The following SLC22A5 variants were observed in gnomAD, a reference collection of about 807,000 sequenced individuals.
SLC22A5 encodes the protein solute carrier family 22 member 5, also known as organic cation/carnitine transporter 2.
Under a neutral mutation model 56.7 loss-of-function variants are expected in SLC22A5, and 44 were observed. The ratio of observed to expected loss-of-function variants is 0.78; its 90% CI spans 0.61 to 1.00. SLC22A5 has a LOEUF of 1.00. SLC22A5 is among the 50% of genes least tolerant of loss of function. The pLI is 0.00. For synonymous variants in SLC22A5, 278 were observed against 292.1 expected, an observed-to-expected ratio of 0.95 and a Z score of 0.49; for missense variants, 675 against 723.0, an observed-to-expected ratio of 0.93 and a Z score of 0.76.
intron 4 of SLC22A5, among the ~76,000 whole-genome samples, chr5:132,385,731 G>A (rs1430698030): frequency 2.6e-5 from 4 of 152,284 alleles, no homozygotes; most frequent in African/African-American, 4.8e-5. Flanking sequence ...CCCAAGTGTG[G>A]GGAAAAATAG....
chr5:132,371,020 C>T (rs1751900993), intron 1 of SLC22A5, among the ~76,000 whole-genome samples: 1 of 146,740 alleles, frequency 6.8e-6, no homozygotes, highest in South Asian at 2.2e-4. Context: ...GTTCTTGGCT[C>T]ACTGCAACCT....
chr5:132,385,393 G>C lies in SLC22A5; in HGVS notation c.718G>C (p.Ala240Pro). Reference protein sequence around the residue: ...FSTLGVCIFYAFGYMVLPLFA... With the variant: ...FSTLGVCIFYPFGYMVLPLFA... ...TACGTTAGGAGTGTGCATATTTTAT[G>C]CATTTGGCTACATGGTGCTGCCACT... is the stretch of plus-strand genomic sequence containing the variant. Residue 240 changes from alanine (A) to proline (P), a missense_variant, in exon 4 of 10, where the codon GCA becomes CCA. Ala to Pro is a conservative substitution (Grantham distance 27, BLOSUM62 -1). Transcript: ENST00000245407. 6.2e-7 allele frequency: 1 copy of C among 1,613,980 alleles called. No homozygotes were observed. Among genetic ancestry groups the C allele is most frequent in the Non-Finnish European group, 8.5e-7 (1 of 1,179,814 alleles).
At chr5:132,382,827 TA>T (rs1561569724) in intron 2 of SLC22A5, 1 of 152,232 alleles carries the variant, frequency 6.6e-6, no homozygotes, top group Admixed American at 6.5e-5. Context: ...GCATCTTTTT[TA>T]ATTTATTGAT....
chr5:132,374,256 T>C (rs1752053586), intron 1 of SLC22A5, among the ~76,000 whole-genome samples: 1 of 151,004 alleles, frequency 6.6e-6, no homozygotes, highest in African/African-American at 2.4e-5. Flanking sequence ...ACTTCCAAGC[T>C]GCTCTGCATC....
rs2126793240 is a variant in SLC22A5 at position 132,394,218 on chromosome 5, G to A, written c.1620G>A (p.Arg540=). 1.9e-6 allele frequency: 3 copies of A among 1,613,724 alleles called. No individual in the cohort carries two copies. Among genetic ancestry groups the A allele is most frequent in the Non-Finnish European group, 2.5e-6 (3 of 1,179,558 alleles). ...ACAGAAAAACTCCAAGTCACACAAG[G>A]ATGTTAAAAGATGGTCAAGAAAGGC... ...MKHRKTPSHT[R]MLKDGQERPT... is the part of the protein sequence containing the mutation. The change falls in exon 10 of 10, where the codon AGG becomes AGA. Residue 540 remains arginine, a synonymous_variant. Coordinates refer to ENST00000245407, the MANE Select transcript of SLC22A5 (RefSeq NM_003060.4).
chr5:132,395,364 G>T lies in SLC22A5; in HGVS notation c.*1092G>T, dbSNP rs1003071496. 1.3e-5 allele frequency: 2 copies of T among 152,558 alleles called. No individual in the cohort carries two copies. The highest frequency in any genetic ancestry group is 2.9e-5 in the Non-Finnish European group (2 of 68,016). The allele number at this position is 152,558 out of a possible 1,614,324, so 9.5% of individuals were successfully genotyped here. On this transcript the variant is annotated 3_prime_UTR_variant, in exon 10 of 10. Coordinates refer to ENST00000245407, the MANE Select transcript of SLC22A5 (RefSeq NM_003060.4). ...CCTTTCTTGATACTTAGTCATGGGA[G>T]GATATTACAAAAAAGAAATTTAAAT... is the stretch of plus-strand genomic sequence containing the variant.
chr5:132,383,805 C>G (rs1752428903), intron 2 of SLC22A5: 1 of 311,064 alleles, frequency 3.2e-6, no homozygotes, highest in Non-Finnish European at 6.1e-6. Context: ...AATTGTTTCT[C>G]TGTTATTCTC....
intron 1 of SLC22A5, among the ~76,000 whole-genome samples, chr5:132,371,110 C>T (rs2126767013): frequency 6.6e-6 from 1 of 152,236 alleles, no homozygotes; most frequent in South Asian, 2.1e-4. Context: ...CTCCGAGTAG[C>T]TGTGAGCCAC....
intron 1 of SLC22A5, among the ~76,000 whole-genome samples, chr5:132,371,700 G>A (rs369563505): frequency 3.9e-5 from 6 of 152,232 alleles, no homozygotes; most frequent in African/African-American, 1.4e-4. Context: ...TGAGCCTAGG[G>A]TGTTCAGCTC....
At position 132,393,738 on chromosome 5, in the gene SLC22A5, C is replaced by T. The variant is rs756375506; in HGVS notation, c.1513C>T (p.Leu505Phe). 1 of 1,614,182 alleles carries T rather than the reference C, an allele frequency of 6.2e-7. No homozygotes were observed. Among genetic ancestry groups the T allele is most frequent in the East Asian group, 2.2e-5 (1 of 44,890 alleles). The change falls in exon 9 of 10, where the codon CTC becomes TTC. Residue 505 changes from leucine (L) to phenylalanine (F), a missense_variant. Transcript: ENST00000245407. ...MGSLTILTAI[L>F]TLFLPESFGT... Reference sequence around the variant, plus strand: ...AAGTCTGACCATCCTGACAGCCATCCTCACCTTGTTTCTCCCAGAGAGCTT... The same window carrying T: ...AAGTCTGACCATCCTGACAGCCATCTTCACCTTGTTTCTCCCAGAGAGCTT...
Position 132,392,489 on chromosome 5 carries a change from G to A in SLC22A5, c.1324G>A (p.Ala442Thr), listed in dbSNP as rs369179457. 3.8e-5 allele frequency: 62 copies of A among 1,614,054 alleles called. No individual in the cohort carries two copies. Among genetic ancestry groups the A allele is most frequent in the Non-Finnish European group, 4.5e-5 (53 of 1,180,038 alleles). ...VMVGKFGVTAAFSMVYVYTAE... is the reference protein window; with the variant it reads ...VMVGKFGVTATFSMVYVYTAE... The stretch of plus-strand genomic sequence containing the variant: ...GGTGGGCAAGTTTGGAGTCACGGCT[G>A]CCTTTTCCATGGTCTACGTGTACAC... Residue 442 changes from alanine to threonine, a missense_variant, in exon 8 of 10, where the codon GCC (alanine) becomes ACC (threonine). Coordinates refer to ENST00000245407, the MANE Select transcript of SLC22A5 (RefSeq NM_003060.4).
chr5:132,385,153 C>T (rs1313499386), intron 3 of SLC22A5, among the ~76,000 whole-genome samples, 175 bp from the exon 4 acceptor site: 1 of 152,102 alleles, frequency 6.6e-6, no homozygotes, highest in African/African-American at 2.4e-5. Flanking sequence ...AGGGATGTAC[C>T]CCCAGGAGAC....
Position 132,392,613 on chromosome 5 carries a change from T to A in SLC22A5, c.1448T>A (p.Leu483His). 6.2e-7 allele frequency: 1 copy of A among 1,613,884 alleles called. No individual in the cohort carries two copies. The highest frequency in any genetic ancestry group is 8.5e-7 in the Non-Finnish European group (1 of 1,179,916). Residue 483 changes from leucine (L) to histidine (H), a missense_variant and splice_region_variant, in exon 8 of 10, where the codon CTT becomes CAT. Physicochemically the swap from Leu to His is moderately conservative, Grantham distance 99. Coordinates refer to ENST00000245407, the MANE Select transcript of SLC22A5 (RefSeq NM_003060.4). ...ATCCTGTCTCCCTACTTCGTTTACC[T>A]TGGTAAGTCCCATGAGCCAAGGGCA... Reference protein sequence around the residue: ...GSILSPYFVYLGAYDRFLPYI... With the variant: ...GSILSPYFVYHGAYDRFLPYI...
Position 132,392,547 on chromosome 5 carries a change from T to C in SLC22A5, c.1382T>C (p.Met461Thr). 2 of 1,614,158 alleles carry C rather than the reference T, an allele frequency of 1.2e-6. No individual in the cohort carries two copies. The highest frequency in any genetic ancestry group is 1.7e-6 in the Non-Finnish European group (2 of 1,180,006). The change falls in exon 8 of 10, where the codon ATG (methionine) becomes ACG (threonine). Residue 461 changes from methionine to threonine, a missense_variant. Transcript: ENST00000245407. ...AELYPTVVRN[M>T]GVGVSSTASR... The stretch of plus-strand genomic sequence containing the variant: ...CTGTATCCCACAGTGGTGAGAAACA[T>C]GGGTGTGGGAGTCAGCTCCACAGCA...
At chr5:132,371,957 AC>A (rs1223015330) in intron 1 of SLC22A5, among the ~76,000 whole-genome samples, 1 of 152,102 alleles carries the variant, frequency 6.6e-6, no homozygotes, top group Admixed American at 6.5e-5. Context: ...TCTGAGAGCT[AC>A]CCTGGGAGAT....
At chr5:132,378,730 G>A (rs1437917784) in intron 2 of SLC22A5, 5 of 510,346 alleles carry the variant, frequency 9.8e-6, no homozygotes, top group East Asian at 7.3e-5. Context: ...GGTTGACTAG[G>A]TAATATGCCA....
In SLC22A5 at chr5:132,387,111, A is replaced by G. The variant is rs746559733; in HGVS notation, c.911A>G (p.Asn304Ser). 7.4e-6 allele frequency: 12 copies of G among 1,614,168 alleles called. 1 individual carries two copies. In the East Asian group the frequency reaches 8.9e-5, roughly 12 times the overall value. Residue 304 changes from asparagine to serine, a missense_variant, in exon 5 of 10, where the codon AAT becomes AGT. Coordinates refer to ENST00000245407, the MANE Select transcript of SLC22A5 (RefSeq NM_003060.4). ...ATCATCCGCAAGGCTGCCAAAGCCA[A>G]TGGGATTGTTGTGCCTTCCACTATC... ...EVIIRKAAKA[N>S]GIVVPSTIFD...
At chr5:132,390,515 G>A in intron 6 of SLC22A5, 175 bp from the exon 7 acceptor site, 2 of 692,280 alleles carry the variant, frequency 2.9e-6, no homozygotes, top group South Asian at 3.1e-5. Flanking sequence ...CTTGGGCTGG[G>A]GAAAATTATC....
Position 132,394,172 on chromosome 5 carries a change from CT to C in SLC22A5, c.1587-11del. 6.3e-7 allele frequency: 1 copy of C among 1,586,698 alleles called. No homozygotes were observed. Among genetic ancestry groups the C allele is most frequent in the East Asian group, 2.2e-5 (1 of 44,750 alleles). On this transcript the variant is annotated splice_polypyrimidine_tract_variant and intron_variant, in intron 9 of 9. Coordinates refer to ENST00000245407, the MANE Select transcript of SLC22A5 (RefSeq NM_003060.4). The stretch of plus-strand genomic sequence containing the variant: ...AAAATGTGTTACTGACATATTTTTG[CT>C]TGTTTTTATAGAATGAAACACAGAA...
Sources: gnomAD v4.1 joint callset for allele counts (sites outside exome capture counted in the v4.1 genomes callset) on GRCh38, gnomAD v4.1.1 for gene constraint, MANE v1.5 for transcripts, NCBI Gene and HGNC (gene_info 2026-07-23, HGNC 2026-07-21) for gene names.